Variants in EXD1 observed in about 807,000 individuals in gnomAD.
The protein encoded by EXD1 is piRNA biogenesis protein EXD1.
Under a neutral mutation model 49.1 loss-of-function variants are expected in EXD1, and 63 were observed. The ratio of observed to expected loss-of-function variants is 1.28; its 90% CI spans 1.05 to 1.58. EXD1 has a LOEUF of 1.58. EXD1 is among the 40% of genes most tolerant of loss of function. EXD1 has a pLI of 0.00. For missense variants in EXD1, 748 were observed against 666.0 expected, an observed-to-expected ratio of 1.12 and a Z score of -1.36; for synonymous variants, 234 against 239.2, an observed-to-expected ratio of 0.98 and a Z score of 0.20.
intron 9 of EXD1, among the ~76,000 whole-genome samples, chr15:41,192,747 G>T: frequency 6.7e-6 from 1 of 149,950 alleles, no homozygotes; most frequent in Middle Eastern, 3.5e-3. Flanking sequence ...CGAGTAGCTA[G>T]GACTACAGGC....
At chr15:41,189,559 A>G (rs2046471736) in intron 11 of EXD1, among the ~76,000 whole-genome samples, 1 of 151,866 alleles carries the variant, frequency 6.6e-6, no homozygotes, top group Non-Finnish European at 1.5e-5. Flanking sequence ...GTTACTCAGG[A>G]GGCTGAGGCA....
intron 11 of EXD1, 78 bp from the exon 12 acceptor site, chr15:41,184,671 T>TTG: frequency 7.2e-7 from 1 of 1,397,134 alleles, no homozygotes; most frequent in Non-Finnish European, 9.4e-7. Flanking sequence ...TTTTTTTTTT[T>TTG]TGAGATGGAG....
intron 9 of EXD1, among the ~76,000 whole-genome samples, 172 bp from the exon 10 acceptor site, chr15:41,191,757 GA>G (rs552293070): frequency 2.7e-4 from 39 of 143,882 alleles, no homozygotes; most frequent in African/African-American, 8.4e-4. Context: ...TGAAAAATGA[GA>G]AAAAAAAAAC....
intron 11 of EXD1, among the ~76,000 whole-genome samples, chr15:41,188,545 A>C (rs529135269): frequency 1.3e-5 from 2 of 151,880 alleles, no homozygotes; most frequent in South Asian, 4.2e-4. Context: ...GGTGCCCGCC[A>C]CCATGCCCAG....
In EXD1 at chr15:41,184,328, T is replaced by A; in HGVS notation, c.1322A>T (p.Glu441Val). Residue 441 changes from glutamate (E) to valine (V), a missense_variant, in exon 12 of 12, where the codon GAA becomes GTA. Transcript: ENST00000458580. Reference protein sequence around the residue: ...FHGDVNLLKEESLNKQATNPQ... With the variant: ...FHGDVNLLKEVSLNKQATNPQ... ...ATTTGTAGCTTGTTTATTCAAAGAT[T>A]CTTCTTTCAGTAAATTCACATCCCC... 1 of 1,614,230 alleles carries A rather than the reference T, an allele frequency of 6.2e-7. No individual in the cohort carries two copies. The highest frequency in any genetic ancestry group is 8.5e-7 in the Non-Finnish European group (1 of 1,180,032).
At chr15:41,195,736 G>C (rs28382348) in intron 9 of EXD1, 39 bp downstream of exon 9, 370,637 of 1,556,012 alleles carry the variant, frequency 0.24, 46,770 homozygotes, top group Non-Finnish European at 0.26. Flanking sequence ...TACAGGAGCT[G>C]TATATACTGG....
chr15:41,197,291 G>A (rs1388590768), intron 7 of EXD1, among the ~76,000 whole-genome samples: 2 of 148,742 alleles, frequency 1.3e-5, no homozygotes, highest in South Asian at 2.1e-4. Flanking sequence ...GCAGTGGCAC[G>A]ATCTCGACTC....
chr15:41,199,783 T>TGATATATATGTCA (rs2046694264), intron 7 of EXD1, among the ~76,000 whole-genome samples: 2 of 30,110 alleles, frequency 6.6e-5, no homozygotes, highest in South Asian at 1.2e-3. Context: ...ATGTCATATA[T>TGATATATATGTCA]TATATAATGT....
chr15:41,213,501 TTTTTGTTTTG>T (rs371124639), intron 6 of EXD1, among the ~76,000 whole-genome samples: 74 of 150,338 alleles, frequency 4.9e-4, no homozygotes, highest in Middle Eastern at 3.2e-3. Context: ...GTCCAGCCAG[TTTTTGTTTTG>T]TTTTGTTTTG....
chr15:41,230,341 C>T, intron 1 of EXD1, 138 bp downstream of exon 1: 1 of 848,570 alleles, frequency 1.2e-6, no homozygotes. Context: ...CCTCGGCCTC[C>T]CAAAGTGCTG....
Position 41,215,759 on chromosome 15 carries a change from T to A in EXD1, c.447+16A>T. ...ACATACAGGCAATACTAGTAATGATTGAGGACAATACTTACCGCAGCACCA... is the reference window on the plus strand; with the variant it reads ...ACATACAGGCAATACTAGTAATGATAGAGGACAATACTTACCGCAGCACCA... On this transcript the variant is annotated intron_variant, in intron 6 of 11. Coordinates refer to ENST00000458580, the MANE Select transcript of EXD1 (RefSeq NM_001286441.2). 6.2e-7 allele frequency: 1 copy of A among 1,612,478 alleles called. No homozygotes were observed. The highest frequency in any genetic ancestry group is 1.1e-5 in the South Asian group (1 of 91,050).
At chr15:41,199,827 G>A (rs569589186) in intron 7 of EXD1, among the ~76,000 whole-genome samples, 1 of 78,420 alleles carries the variant, frequency 1.3e-5, no homozygotes, top group African/African-American at 4.7e-5. Context: ...ATAGATATAT[G>A]TCAATATATG....
chr15:41,205,047 T>C (rs2046801039), intron 7 of EXD1, among the ~76,000 whole-genome samples: 1 of 152,240 alleles, frequency 6.6e-6, no homozygotes, highest in South Asian at 2.1e-4. Context: ...GTCCATACTT[T>C]GTTGAACCTA....
At chr15:41,221,033 G>A (rs2047081020) in intron 2 of EXD1, among the ~76,000 whole-genome samples, 1 of 151,970 alleles carries the variant, frequency 6.6e-6, no homozygotes, top group Non-Finnish European at 1.5e-5. Context: ...TTTAGTTACA[G>A]GACATCATGT....
chr15:41,198,366 T>G (rs1488196855), intron 7 of EXD1, among the ~76,000 whole-genome samples: 2 of 152,090 alleles, frequency 1.3e-5, no homozygotes, highest in African/African-American at 4.8e-5. Flanking sequence ...ACTTAATCAT[T>G]TATGCCTACA....
chr15:41,205,986 TCTC>T (rs1225683335), intron 7 of EXD1, among the ~76,000 whole-genome samples: 2 of 151,382 alleles, frequency 1.3e-5, no homozygotes, highest in Non-Finnish European at 2.9e-5. Context: ...TTCAAGCAAT[TCTC>T]CTGCCTCAGC....
At position 41,216,718 on chromosome 15, in the gene EXD1, G is replaced by A. The variant is rs750007936; in HGVS notation, c.338C>T (p.Pro113Leu). ...LNVCEPASPA[P>L]EAPATSLLND... Reference sequence around the variant, plus strand: ...CAGCAGAGAGGTAGCTGGTGCTTCAGGGGCAGGAGAAGCAGGCTCACATAC... The same window carrying A: ...CAGCAGAGAGGTAGCTGGTGCTTCAAGGGCAGGAGAAGCAGGCTCACATAC... The change falls in exon 5 of 12, where the codon CCT (proline) becomes CTT (leucine). Residue 113 changes from proline to leucine, a missense_variant. Coordinates refer to ENST00000458580, the MANE Select transcript of EXD1 (RefSeq NM_001286441.2). 6.2e-7 allele frequency: 1 copy of A among 1,613,746 alleles called. No homozygotes were observed. The highest frequency in any genetic ancestry group is 2.2e-5 in the East Asian group (1 of 44,886).
chr15:41,188,393 G>GTCTTT (rs1316262480), intron 11 of EXD1, among the ~76,000 whole-genome samples: 2 of 131,520 alleles, frequency 1.5e-5, no homozygotes, highest in Non-Finnish European at 3.1e-5. Flanking sequence ...CTCATTTCTT[G>GTCTTT]TCTTTTCTTT....
rs750022438 is a variant in EXD1, at chr15:41,190,249, C to T, written c.865-121G>A. 9.7e-6 allele frequency: 10 copies of T among 1,027,254 alleles called. No homozygotes were observed. The Admixed American group carries it at 1.4e-4, about 14-fold the overall frequency. The allele number at this position is 1,027,254 out of a possible 1,614,324, so 63.6% of individuals were successfully genotyped here. On this transcript the variant is annotated intron_variant, in intron 10 of 11. Transcript: ENST00000458580. ...CAGCACTCTGGGAGGCTGAGGCAGG[C>T]GGATCACAAGGTCAAGACATCAAGA...
Sources: gnomAD v4.1 joint callset for allele counts (sites outside exome capture counted in the v4.1 genomes callset) on GRCh38, gnomAD v4.1.1 for gene constraint, MANE v1.5 for transcripts, NCBI Gene and HGNC (gene_info 2026-07-23, HGNC 2026-07-21) for gene names.